The following COBL variants were observed in gnomAD, a reference collection of about 807,000 sequenced individuals.
COBL encodes the protein protein cordon-bleu.
Under a neutral mutation model 98.8 loss-of-function variants are expected in COBL, and 51 were observed. That is an observed-to-expected ratio of 0.52 (90% CI 0.41 to 0.65). The LOEUF is 0.65. Among genes scored for constraint, COBL ranks in the 30% least tolerant of loss-of-function variants. The pLI, the probability that COBL is intolerant of heterozygous loss-of-function variation, is 0.00. For synonymous variants in COBL, 634 were observed against 651.7 expected (o/e 0.97, Z 0.41); for missense variants, 1,617 against 1,617.5 (o/e 1.00, Z 0.01).
chr7:51,268,172 C>T (rs990998823), intron 1 of COBL, among the ~76,000 whole-genome samples: 2 of 152,206 alleles, frequency 1.3e-5, no homozygotes, highest in African/African-American at 4.8e-5. Context: ...AAAGAAATCT[C>T]TTCCTCAGCA....
At chr7:51,204,796 G>A (rs767546621) in intron 2 of COBL, among the ~76,000 whole-genome samples, 23 of 152,144 alleles carry the variant, frequency 1.5e-4, no homozygotes, top group Middle Eastern at 3.4e-3. Flanking sequence ...TGATCCATCC[G>A]CCTTGGCCTC....
intron 1 of COBL, among the ~76,000 whole-genome samples, chr7:51,288,893 T>G (rs764283317): frequency 7.9e-5 from 12 of 152,232 alleles, no homozygotes; most frequent in Non-Finnish European, 1.5e-4. Flanking sequence ...ACTAATTTAC[T>G]CAACCTGTCC....
At chr7:51,220,601 G>C (rs1029756235) in intron 1 of COBL, among the ~76,000 whole-genome samples, 1 of 152,096 alleles carries the variant, frequency 6.6e-6, no homozygotes, top group Non-Finnish European at 1.5e-5. Context: ...AATTCACCTC[G>C]TGGGGTATTT....
At chr7:51,204,519 T>C (rs769156367) in intron 2 of COBL, among the ~76,000 whole-genome samples, 2 of 151,502 alleles carry the variant, frequency 1.3e-5, no homozygotes, top group Admixed American at 6.6e-5. Flanking sequence ...AATTTAAAGT[T>C]GCTTATTATA....
At chr7:51,192,599 T>G (rs572468262) in intron 3 of COBL, among the ~76,000 whole-genome samples, 1 of 152,192 alleles carries the variant, frequency 6.6e-6, no homozygotes, top group Non-Finnish European at 1.5e-5. Flanking sequence ...AGAGTGAAGC[T>G]CCGTCTCAAA....
At position 51,258,773 on chromosome 7, in the gene COBL, T is replaced by C. The variant is rs369754499; in HGVS notation, c.42-38829A>G. ...TCAGCAAAATAAATGATTCATATCT[T>C]TAAGTCCTTTTTGAAATCAGTTATT... On this transcript the variant is annotated intron_variant, in intron 1 of 12. Coordinates refer to ENST00000265136, the MANE Select transcript of COBL (RefSeq NM_015198.5). Among the ~76,000 whole-genome samples, 4 of 152,336 alleles carry C rather than the reference T, an allele frequency of 2.6e-5. No individual in the cohort carries two copies. The East Asian group carries it at 5.8e-4, about 22-fold the overall frequency.
In COBL at chr7:51,307,348, CAAAACA is replaced by C. The variant is rs376773501; in HGVS notation, c.41+9239_41+9244del. 4.2e-3 allele frequency among the ~76,000 whole-genome samples: 627 copies of C among 148,420 alleles called. 3 individuals are homozygous for C. Among genetic ancestry groups the C allele is most frequent in the African/African-American group, 0.013 (542 of 40,518 alleles). On this transcript the variant is annotated intron_variant, in intron 1 of 12. Transcript: ENST00000265136. ...TGGGTGCCAGAGCAAGACTCCATCTCAAAACAAAAACAAAAACAAAAACAAAAACAA... is the reference window on the plus strand; with the variant it reads ...TGGGTGCCAGAGCAAGACTCCATCTCAAAACAAAAACAAAAACAAAAACAA...
intron 7 of COBL, among the ~76,000 whole-genome samples, chr7:51,045,805 T>C (rs1314071897): frequency 6.6e-6 from 1 of 151,926 alleles, no homozygotes; most frequent in Non-Finnish European, 1.5e-5. Context: ...TTTGAGGCAA[T>C]AAAAAAAAGT....
chr7:51,217,199 A>G (rs1008179146), intron 2 of COBL, among the ~76,000 whole-genome samples: 5 of 152,232 alleles, frequency 3.3e-5, no homozygotes, highest in Non-Finnish European at 5.9e-5. Flanking sequence ...TAAGGGAAAT[A>G]AAAGAAATGA....
intron 5 of COBL, among the ~76,000 whole-genome samples, chr7:51,150,480 AATC>A (rs1474989185): frequency 6.6e-6 from 1 of 152,148 alleles, no homozygotes; most frequent in Non-Finnish European, 1.5e-5. Context: ...AGCTGCCGTG[AATC>A]ATCATCATTA....
intron 2 of COBL, among the ~76,000 whole-genome samples, chr7:51,202,340 T>C (rs1048501568): frequency 2.6e-5 from 4 of 152,224 alleles, no homozygotes; most frequent in African/African-American, 9.6e-5. Context: ...GCAAAAGTTA[T>C]AGCCACGGTG....
At position 51,219,425 on chromosome 7, in the gene COBL, C is replaced by A. The variant is rs530070193; in HGVS notation, c.245+316G>T. On this transcript the variant is annotated intron_variant, in intron 2 of 12. Coordinates refer to ENST00000265136, the MANE Select transcript of COBL (RefSeq NM_015198.5). ...GAGGCACACTGTGGCTGCTGTCCCA[C>A]CCAGGGGTGTAGGTCACCGCTGTAC... Among the ~76,000 whole-genome samples the A allele has an allele frequency of 2.8e-4, 43 of 152,274 alleles. 1 individual carries two copies. In the South Asian group the frequency reaches 8.5e-3, roughly 30 times the overall value.
intron 1 of COBL, among the ~76,000 whole-genome samples, chr7:51,311,538 G>C (rs541385941): frequency 6.6e-6 from 1 of 152,076 alleles, no homozygotes; most frequent in Non-Finnish European, 1.5e-5. Flanking sequence ...GTATACAAGA[G>C]GAAAAAAGTT....
At chr7:51,032,393 A>G (rs1310799576) in intron 8 of COBL, 1 of 152,246 alleles carries the variant, frequency 6.6e-6, no homozygotes, top group Non-Finnish European at 1.5e-5. Context: ...ACACAGAGAC[A>G]TGTCTATGGC....
At chr7:51,037,951 A>T (rs1788798120) in intron 8 of COBL, among the ~76,000 whole-genome samples, 1 of 152,138 alleles carries the variant, frequency 6.6e-6, no homozygotes, top group African/African-American at 2.4e-5. Context: ...TCCTGGGTTC[A>T]AGTGATTCTC....
intron 1 of COBL, among the ~76,000 whole-genome samples, chr7:51,238,621 G>A (rs1795491956): frequency 6.7e-6 from 1 of 148,752 alleles, no homozygotes; most frequent in Admixed American, 6.8e-5. Flanking sequence ...AAAGCAAAGG[G>A]GGAAAAATGT....
At position 51,027,862 on chromosome 7, in the gene COBL, A is replaced by G. The variant is rs978960047; in HGVS notation, c.3234T>C (p.Asn1078=). Residue 1078 remains asparagine, a synonymous_variant, in exon 10 of 13, where the codon AAT becomes AAC. Transcript: ENST00000265136. ...EKPSVFSTDG[N]ETDSIWPPSI... is the part of the protein sequence containing the mutation. ...TGGGTGGCCAAATACTGTCTGTTTC[A>G]TTTCCATCTGTAGAGAACACACTGG... 65 of 1,614,048 alleles carry G rather than the reference A, an allele frequency of 4.0e-5. No individual in the cohort carries two copies. Among genetic ancestry groups the G allele is most frequent in the Non-Finnish European group, 5.3e-5 (63 of 1,180,056 alleles).
chr7:51,161,630 C>A (rs969919537), intron 5 of COBL, among the ~76,000 whole-genome samples: 1 of 151,874 alleles, frequency 6.6e-6, no homozygotes, highest in Admixed American at 6.6e-5. Flanking sequence ...TTGTTGTTTG[C>A]TTGTTTTATA....
Position 51,158,028 on chromosome 7 carries a change from C to T in COBL, c.784-21697G>A, listed in dbSNP as rs75453192. Among the ~76,000 whole-genome samples, 883 of 152,258 alleles carry T rather than the reference C, an allele frequency of 5.8e-3. 28 individuals carry two copies. In the South Asian group the frequency reaches 0.075, roughly 13 times the overall value. ...TATAAAACTTTTAAAAGGGTTGCTG[C>T]CCCTGGGGAAGGAAGAAGAGAGCCA... On this transcript the variant is annotated intron_variant, in intron 5 of 12. Coordinates refer to ENST00000265136, the MANE Select transcript of COBL (RefSeq NM_015198.5).
Sources: gnomAD v4.1 joint callset for allele counts (sites outside exome capture counted in the v4.1 genomes callset) on GRCh38, gnomAD v4.1.1 for gene constraint, MANE v1.5 for transcripts, NCBI Gene and HGNC (gene_info 2026-07-23, HGNC 2026-07-21) for gene names.